Variants in B3GALNT1 observed in about 807,000 individuals in gnomAD.
B3GALNT1 encodes the protein UDP-GalNAc:beta-1,3-N-acetylgalactosaminyltransferase 1.
Under a neutral mutation model 27.3 loss-of-function variants are expected in B3GALNT1, and 17 were observed. The ratio of observed to expected loss-of-function variants is 0.62; its 90% CI spans 0.43 to 0.94. B3GALNT1 has a LOEUF of 0.94. Among genes scored for constraint, B3GALNT1 ranks in the 40% least tolerant of loss-of-function variants. The probability of loss-of-function intolerance (pLI) is 0.00; values close to 1 mark genes in which losing one functional copy is unlikely to be tolerated. For missense variants in B3GALNT1, 347 were observed against 390.0 expected (o/e 0.89, Z 0.93); for synonymous variants, 141 against 144.0 (o/e 0.98, Z 0.15).
At chr3:161,087,660 G>A (rs1722742890) in intron 4 of B3GALNT1, among the ~76,000 whole-genome samples, 1 of 152,178 alleles carries the variant, frequency 6.6e-6, no homozygotes, top group Non-Finnish European at 1.5e-5. Context: ...TGAGACAAGA[G>A]GAGGCACAGA....
At chr3:161,088,119 G>T (rs972912106) in intron 4 of B3GALNT1, among the ~76,000 whole-genome samples, 6 of 152,088 alleles carry the variant, frequency 3.9e-5, no homozygotes, top group Admixed American at 6.5e-5. Context: ...TTCTACCTTG[G>T]GTCAACTTTA....
intron 4 of B3GALNT1, among the ~76,000 whole-genome samples, chr3:161,100,345 G>A (rs917651444): frequency 1.3e-5 from 2 of 152,184 alleles, no homozygotes; most frequent in Non-Finnish European, 2.9e-5. Context: ...GTTTTAGGTA[G>A]ACAGTGAGTA....
At position 161,085,829 on chromosome 3, in the gene B3GALNT1, T is replaced by C; in HGVS notation, c.926A>G (p.His309Arg). The change falls in exon 5 of 5, where the codon CAT becomes CGT. Residue 309 changes from histidine (H) to arginine (R), a missense_variant. Coordinates refer to ENST00000320474, the MANE Select transcript of B3GALNT1 (RefSeq NM_003781.4). ...GATGATCTCCTTGGAAGAAAAGCCA[T>C]GGGCTGCAATCACACGTCTCAGTTG... ...VCQLRRVIAA[H>R]GFSSKEIITF... is the part of the protein sequence containing the mutation. The C allele has an allele frequency of 1.2e-6, 2 of 1,614,206 alleles. No homozygotes were observed. Among genetic ancestry groups the C allele is most frequent in the African/African-American group, 1.3e-5 (1 of 75,076 alleles).
intron 4 of B3GALNT1, among the ~76,000 whole-genome samples, chr3:161,096,730 C>T (rs541351449): frequency 2.6e-5 from 4 of 152,308 alleles, no homozygotes; most frequent in Non-Finnish European, 5.9e-5. Flanking sequence ...TTGAGGCCCT[C>T]CCCTGATTAT....
chr3:161,103,372 A>G (rs1560018690), intron 3 of B3GALNT1, 55 bp downstream of exon 3: 1 of 837,578 alleles, frequency 1.2e-6, no homozygotes, highest in East Asian at 6.3e-5. Context: ...GGGCATTATT[A>G]TGGGCATTTT....
At chr3:161,094,868 A>G (rs1727253221) in intron 4 of B3GALNT1, among the ~76,000 whole-genome samples, 2 of 152,254 alleles carry the variant, frequency 1.3e-5, no homozygotes, top group Non-Finnish European at 2.9e-5. Flanking sequence ...TTTTATGAAG[A>G]TCTGTCAAGT....
chr3:161,093,214 T>A (rs1379173534), intron 4 of B3GALNT1, among the ~76,000 whole-genome samples: 1 of 152,140 alleles, frequency 6.6e-6, no homozygotes, highest in Admixed American at 6.5e-5. Flanking sequence ...AAATGATAAA[T>A]TTTTGAGGTT....
intron 4 of B3GALNT1, among the ~76,000 whole-genome samples, chr3:161,098,473 G>A (rs1429192831): frequency 6.6e-6 from 1 of 152,162 alleles, no homozygotes; most frequent in East Asian, 1.9e-4. Flanking sequence ...CAGCACTTTG[G>A]GAGGCCAAGG....
rs2231257 is a variant in B3GALNT1, at chr3:161,086,379, C to T, written c.376G>A (p.Asp126Asn). The T allele has an allele frequency of 0.038, 61,140 of 1,614,114 alleles. 1,710 individuals carry two copies. The highest frequency in any genetic ancestry group is 0.12 in the South Asian group (10,859 of 91,080). ...TCTAAGGACAATGCCAACATTTTGT[C>T]TTCCTTTTCAGCCTCTTGGCCTAAT... Reference protein sequence around the residue: ...FLLGQEAEKEDKMLALSLEDE... With the variant: ...FLLGQEAEKENKMLALSLEDE... Residue 126 changes from aspartate to asparagine, a missense_variant, in exon 5 of 5, where the codon GAC (aspartate) becomes AAC (asparagine). Asp to Asn is a conservative substitution (Grantham distance 23). Transcript: ENST00000320474.
intron 1 of B3GALNT1, 150 bp downstream of exon 1, chr3:161,105,085 G>C (rs1369629256): frequency 2.0e-5 from 3 of 152,288 alleles, no homozygotes; most frequent in Non-Finnish European, 4.4e-5. Context: ...CTCTAGAGGA[G>C]TGGGCGGTGC....
intron 1 of B3GALNT1, chr3:161,104,905 G>C (rs1231046370): frequency 6.6e-6 from 1 of 152,502 alleles, no homozygotes; most frequent in South Asian, 2.1e-4. Context: ...CCTGGGGCAA[G>C]GCAAGGTGGA....
intron 2 of B3GALNT1, 161 bp downstream of exon 2, chr3:161,104,158 G>A (rs1415529846): frequency 4.9e-6 from 2 of 409,862 alleles, no homozygotes; most frequent in Non-Finnish European, 8.7e-6. Context: ...AAACGATTCT[G>A]TTCTCCAGAC....
rs1721251230 is a variant in B3GALNT1, at chr3:161,085,588, G to A, written c.*171C>T. ...TCCACATATCATCTTTGAAGGGCCT[G>A]ACTAATAAATCACAAGTGTAACCCT... On this transcript the variant is annotated 3_prime_UTR_variant, in exon 5 of 5. Coordinates refer to ENST00000320474, the MANE Select transcript of B3GALNT1 (RefSeq NM_003781.4). The A allele has an allele frequency of 3.0e-6, 2 of 673,780 alleles. No homozygotes were observed. The highest frequency in any genetic ancestry group is 3.6e-5 in the African/African-American group (2 of 55,378). The allele number at this position is 673,780 out of a possible 1,614,324, so 41.7% of individuals were successfully genotyped here.
At chr3:161,091,256 G>A (rs1227848426) in intron 4 of B3GALNT1, among the ~76,000 whole-genome samples, 7 of 151,944 alleles carry the variant, frequency 4.6e-5, no homozygotes, top group Admixed American at 6.6e-5. Flanking sequence ...GTGACAAAGC[G>A]TGACCGTTTC....
intron 3 of B3GALNT1, among the ~76,000 whole-genome samples, chr3:161,102,573 AG>A (rs1382217536): frequency 6.6e-6 from 1 of 152,222 alleles, no homozygotes; most frequent in Non-Finnish European, 1.5e-5. Flanking sequence ...ATTTTTTATT[AG>A]TATAAAAGCA....
intron 4 of B3GALNT1, among the ~76,000 whole-genome samples, chr3:161,094,096 G>A (rs1166436366): frequency 6.6e-6 from 1 of 152,168 alleles, no homozygotes; most frequent in Non-Finnish European, 1.5e-5. Flanking sequence ...GTAAGTGGTA[G>A]AGACAAACTC....
At chr3:161,097,953 G>T (rs34428613) in intron 4 of B3GALNT1, among the ~76,000 whole-genome samples, 185 of 152,228 alleles carry the variant, frequency 1.2e-3, no homozygotes, top group African/African-American at 4.2e-3. Context: ...TGGTATATCT[G>T]CTTAATTTGA....
intron 4 of B3GALNT1, among the ~76,000 whole-genome samples, chr3:161,088,182 G>C (rs1214914724): frequency 6.6e-6 from 1 of 152,140 alleles, no homozygotes; most frequent in African/African-American, 2.4e-5. Flanking sequence ...AAAATAACAG[G>C]ATTTCAAGGC....
At chr3:161,100,804 C>G (rs1360825853) in intron 4 of B3GALNT1, among the ~76,000 whole-genome samples, 1 of 151,164 alleles carries the variant, frequency 6.6e-6, no homozygotes, top group Non-Finnish European at 1.5e-5. Flanking sequence ...TAATAATTTG[C>G]AATACATGTT....
Sources: gnomAD v4.1 joint callset for allele counts (sites outside exome capture counted in the v4.1 genomes callset) on GRCh38, gnomAD v4.1.1 for gene constraint, MANE v1.5 for transcripts, NCBI Gene and HGNC (gene_info 2026-07-23, HGNC 2026-07-21) for gene names.